Variants in ITGA2 observed in about 807,000 individuals in gnomAD.
The protein encoded by ITGA2 is integrin subunit alpha 2.
Under a neutral mutation model 146.3 loss-of-function variants are expected in ITGA2, and 101 were observed. That is an observed-to-expected ratio of 0.69 (90% CI 0.59 to 0.81). The LOEUF is 0.81. ITGA2 is among the 40% of genes least tolerant of loss of function. The pLI is 0.00. For missense variants in ITGA2, 1,281 were observed against 1,402.7 expected (o/e 0.91, Z 1.39); for synonymous variants, 477 against 487.1 (o/e 0.98, Z 0.27).
intron 1 of ITGA2, among the ~76,000 whole-genome samples, chr5:53,003,034 T>C (rs994713420): frequency 7.9e-5 from 12 of 152,214 alleles, no homozygotes; most frequent in African/African-American, 2.9e-4. Flanking sequence ...TTTATTCTTA[T>C]GATAACCAGC....
chr5:53,083,520 C>A (rs752428358), intron 27 of ITGA2, 67 bp downstream of exon 27: 7 of 992,142 alleles, frequency 7.1e-6, no homozygotes, highest in Non-Finnish European at 1.1e-5. Flanking sequence ...CTGACAAGTT[C>A]TTCCCCTTTG....
At chr5:52,992,169 T>C (rs1048770773) in intron 1 of ITGA2, among the ~76,000 whole-genome samples, 2 of 152,212 alleles carry the variant, frequency 1.3e-5, no homozygotes, top group African/African-American at 4.8e-5. Flanking sequence ...GATATTTAAT[T>C]TCCTCCTGAA....
chr5:53,053,649 A>G (rs1744495385), intron 7 of ITGA2, among the ~76,000 whole-genome samples: 1 of 151,914 alleles, frequency 6.6e-6, no homozygotes, highest in Non-Finnish European at 1.5e-5. Context: ...CCCTTGGGCC[A>G]TTGTCTATCT....
rs1002111799 is a variant in ITGA2 at position 53,075,255 on chromosome 5, G to T, written c.2776G>T (p.Val926Phe). The T allele has an allele frequency of 1.9e-6, 3 of 1,612,690 alleles. No homozygotes were observed. Among genetic ancestry groups the T allele is most frequent in the Non-Finnish European group, 2.5e-6 (3 of 1,179,308 alleles). Residue 926 changes from valine to phenylalanine, a missense_variant, in exon 23 of 30, where the codon GTC becomes TTC. Around this residue, in one of 3 missense-constraint regions of ITGA2, gnomAD observed 475 missense variants for 530.5 expected, o/e 0.90. Coordinates refer to ENST00000296585, the MANE Select transcript of ITGA2 (RefSeq NM_002203.4). ...AGAAGAAAACAAGGCTGATAATTTG[G>T]TCAACCTCAAAATTCCTCTCCTGTA... Reference protein sequence around the residue: ...SQEENKADNLVNLKIPLLYDA... With the variant: ...SQEENKADNLFNLKIPLLYDA...
At chr5:53,049,012 C>CTTTTT (rs111756330) in intron 6 of ITGA2, among the ~76,000 whole-genome samples, 1 of 144,050 alleles carries the variant, frequency 6.9e-6, no homozygotes, top group Non-Finnish European at 1.5e-5. Context: ...TGGGACATAA[C>CTTTTT]TTTTTTTTTT....
intron 1 of ITGA2, among the ~76,000 whole-genome samples, chr5:53,025,760 T>C (rs1236478438): frequency 6.6e-6 from 1 of 152,240 alleles, no homozygotes; most frequent in Non-Finnish European, 1.5e-5. Context: ...GAGTCCATTC[T>C]GTCTTCAGTG....
At chr5:53,061,309 C>G (rs576706268) in intron 12 of ITGA2, among the ~76,000 whole-genome samples, 2 of 151,988 alleles carry the variant, frequency 1.3e-5, no homozygotes, top group South Asian at 4.1e-4. Flanking sequence ...AAAACTCAGT[C>G]CTTTCTGGAC....
At chr5:53,090,416 G>A (rs988704067) in intron 29 of ITGA2, 103 bp from the exon 30 acceptor site, 5 of 912,934 alleles carry the variant, frequency 5.5e-6, no homozygotes, top group African/African-American at 4.9e-5. Flanking sequence ...GAGCCTCAGG[G>A]ATTCCCAGAG....
chr5:53,030,921 C>T (rs1200499793), intron 2 of ITGA2, among the ~76,000 whole-genome samples: 1 of 152,204 alleles, frequency 6.6e-6, no homozygotes, highest in Non-Finnish European at 1.5e-5. Flanking sequence ...TGTCATTTGC[C>T]CAGCCCTGCC....
chr5:53,045,789 G>A (rs918038151), intron 4 of ITGA2, among the ~76,000 whole-genome samples: 1 of 151,694 alleles, frequency 6.6e-6, no homozygotes, highest in African/African-American at 2.4e-5. Context: ...TAAAAAAAGG[G>A]AAAAACATCA....
In ITGA2 at chr5:53,092,521, G is replaced by T. The variant is rs1262500988; in HGVS notation, c.*1922G>T. 2.0e-5 allele frequency: 3 copies of T among 151,592 alleles called. No homozygotes were observed. The highest frequency in any genetic ancestry group is 7.3e-5 in the African/African-American group (3 of 41,242). The allele number at this position is 151,592 out of a possible 1,614,324, so 9.4% of individuals were successfully genotyped here. ...ACAAAAAAGGCATAAAATGCCAGCGGTTTATAGAAAAAACAGCATGGTATT... is the reference window on the plus strand; with the variant it reads ...ACAAAAAAGGCATAAAATGCCAGCGTTTTATAGAAAAAACAGCATGGTATT... On this transcript the variant is annotated 3_prime_UTR_variant, in exon 30 of 30. Coordinates refer to ENST00000296585, the MANE Select transcript of ITGA2 (RefSeq NM_002203.4).
At chr5:53,050,154 A>T (rs570582604) in intron 6 of ITGA2, among the ~76,000 whole-genome samples, 1 of 152,154 alleles carries the variant, frequency 6.6e-6, no homozygotes. Context: ...TACCCTCATA[A>T]TGTGACTAAT....
chr5:53,032,144 A>G (rs1461911096), intron 2 of ITGA2, among the ~76,000 whole-genome samples: 1 of 151,240 alleles, frequency 6.6e-6, no homozygotes, highest in Admixed American at 6.6e-5. Flanking sequence ...AGAAATAGAA[A>G]GAACAAGTGT....
intron 1 of ITGA2, among the ~76,000 whole-genome samples, chr5:53,008,926 A>G (rs1476229321): frequency 1.3e-5 from 2 of 152,160 alleles, no homozygotes. Context: ...GGACTTTATT[A>G]CTCACAGCAC....
chr5:53,090,672 T>C lies in ITGA2; in HGVS notation c.*73T>C. 8.5e-7 allele frequency: 1 copy of C among 1,181,122 alleles called. No homozygotes were observed. Among genetic ancestry groups the C allele is most frequent in the Non-Finnish European group, 1.3e-6 (1 of 789,236 alleles). 73.2% of individuals were successfully genotyped at this position (1,181,122 alleles called of 1,614,324 possible). On this transcript the variant is annotated 3_prime_UTR_variant, in exon 30 of 30. Transcript: ENST00000296585. ...TTTGCTGTTTGCGTGAATGGATTTC[T>C]TTTTAAATCCCATATTTTTTTTATC...
chr5:52,992,954 C>T (rs924023594), intron 1 of ITGA2, among the ~76,000 whole-genome samples: 2 of 152,096 alleles, frequency 1.3e-5, no homozygotes, highest in African/African-American at 4.8e-5. Flanking sequence ...CATCTATATA[C>T]ACCATTCTTT....
chr5:53,003,607 A>T (rs1173516359), intron 1 of ITGA2, among the ~76,000 whole-genome samples: 1 of 152,202 alleles, frequency 6.6e-6, no homozygotes, highest in South Asian at 2.1e-4. Flanking sequence ...AACTGGCAGA[A>T]TGGATGGGCT....
At position 53,074,463 on chromosome 5, in the gene ITGA2, A is replaced by G. The variant is rs1489445627; in HGVS notation, c.2650A>G (p.Lys884Glu). ...CTGCGATGTAGGCTACCCTGCTTTA[A>G]AGAGAGAACAACAGGTACAACTTGC... is the stretch of plus-strand genomic sequence containing the variant. ...VACDVGYPAL[K>E]REQQVTFTIN... is the part of the protein sequence containing the mutation. The change falls in exon 21 of 30, where the codon AAG becomes GAG. Residue 884 changes from lysine (K) to glutamate (E), a missense_variant. Lys to Glu is a moderately conservative substitution (Grantham distance 56). Coordinates refer to ENST00000296585, the MANE Select transcript of ITGA2 (RefSeq NM_002203.4). 6.2e-7 allele frequency: 1 copy of G among 1,612,016 alleles called. No individual in the cohort carries two copies. The highest frequency in any genetic ancestry group is 8.5e-7 in the Non-Finnish European group (1 of 1,178,632).
At chr5:53,053,165 CATTTCT>C (rs1260231056) in intron 7 of ITGA2, among the ~76,000 whole-genome samples, 4 of 152,256 alleles carry the variant, frequency 2.6e-5, no homozygotes, top group South Asian at 2.1e-4. Flanking sequence ...CACATCCTGT[CATTTCT>C]ATTTCTGCAT....
Sources: allele counts gnomAD v4.1 joint callset (sites outside exome capture counted in the v4.1 genomes callset), GRCh38; gene constraint gnomAD v4.1.1; regional missense constraint gnomAD v4.1.1; transcripts MANE v1.5; gene names NCBI Gene and HGNC (gene_info 2026-07-23, HGNC 2026-07-21).